Variants in CNTNAP5 observed in about 807,000 individuals in gnomAD.
CNTNAP5 encodes the protein contactin associated protein family member 5, also known as contactin-associated protein-like 5.
Under a neutral mutation model 150.2 loss-of-function variants are expected in CNTNAP5, and 72 were observed. The ratio of observed to expected loss-of-function variants is 0.48; its 90% confidence interval spans 0.40 to 0.58. The LOEUF is 0.58. Among genes scored for constraint, CNTNAP5 ranks in the 20% least tolerant of loss-of-function variants. The pLI is 0.00. For missense variants in CNTNAP5, 1,636 were observed against 1,626.2 expected, an observed-to-expected ratio of 1.01 and a Z score of -0.10; for synonymous variants, 672 against 619.8, an observed-to-expected ratio of 1.08 and a Z score of -1.25.
At chr2:124,338,373 G>A (rs551001076) in intron 3 of CNTNAP5, among the ~76,000 whole-genome samples, 4 of 152,142 alleles carry the variant, frequency 2.6e-5, no homozygotes, top group East Asian at 1.9e-4. Flanking sequence ...TCTCCTGCCT[G>A]ATTGCCCTGG....
intron 1 of CNTNAP5, among the ~76,000 whole-genome samples, chr2:124,091,045 T>G (rs1189332469): frequency 6.6e-6 from 1 of 152,108 alleles, no homozygotes; most frequent in African/African-American, 2.4e-5. Flanking sequence ...TAAAGATGTG[T>G]AGGGTTTGGA....
chr2:124,469,625 C>A (rs1573394867), intron 6 of CNTNAP5, among the ~76,000 whole-genome samples: 1 of 151,560 alleles, frequency 6.6e-6, no homozygotes, highest in Non-Finnish European at 1.5e-5. Flanking sequence ...GCAGGTTTGT[C>A]ACATAGGTAA....
intron 1 of CNTNAP5, among the ~76,000 whole-genome samples, chr2:124,146,771 C>T (rs1684264113): frequency 6.6e-6 from 1 of 152,056 alleles, no homozygotes; most frequent in South Asian, 2.1e-4. Context: ...TTAAAAGTTT[C>T]ACAATAAACA....
intron 1 of CNTNAP5, among the ~76,000 whole-genome samples, chr2:124,121,945 A>C (rs1245290907): frequency 6.6e-6 from 1 of 152,156 alleles, no homozygotes; most frequent in Non-Finnish European, 1.5e-5. Flanking sequence ...TACCACCATT[A>C]ATTAGATTAA....
chr2:124,075,675 C>A (rs374473979), intron 1 of CNTNAP5, among the ~76,000 whole-genome samples: 2 of 152,062 alleles, frequency 1.3e-5, no homozygotes, highest in East Asian at 3.9e-4. Context: ...GATTTACCAC[C>A]GGGAGAGAAG....
Position 124,619,473 on chromosome 2 carries a change from T to C in CNTNAP5, c.1876+9553T>C, listed in dbSNP as rs543957745. On this transcript the variant is annotated intron_variant, in intron 12 of 23. Coordinates refer to ENST00000682447, the MANE Select transcript of CNTNAP5 (RefSeq NM_001367498.1). ...GCTTCTGAGGTGGGGCGATCTGCCC[T>C]TGGGGTGATGGTTAATTTTATGTAT... Among the ~76,000 whole-genome samples the C allele has an allele frequency of 2.0e-4, 31 of 152,258 alleles. No individual in the cohort carries two copies. The South Asian group carries it at 5.6e-3, about 27-fold the overall frequency.
intron 13 of CNTNAP5, among the ~76,000 whole-genome samples, chr2:124,713,295 T>TTCTC: frequency 7.9e-6 from 1 of 126,504 alleles, no homozygotes; most frequent in Admixed American, 8.1e-5. Flanking sequence ...CTTTCTTTCT[T>TTCTC]TCTTTCTTCT....
chr2:124,321,269 C>T (rs1237509150), intron 3 of CNTNAP5, among the ~76,000 whole-genome samples: 2 of 151,806 alleles, frequency 1.3e-5, no homozygotes, highest in East Asian at 1.9e-4. Flanking sequence ...TGGAGAAAGC[C>T]CCCGTCTCTA....
chr2:124,461,602 C>T (rs1052805693), intron 6 of CNTNAP5, among the ~76,000 whole-genome samples: 2 of 151,596 alleles, frequency 1.3e-5, no homozygotes, highest in African/African-American at 4.8e-5. Flanking sequence ...GGGTGCAGCA[C>T]ACCAGCATGG....
intron 13 of CNTNAP5, among the ~76,000 whole-genome samples, chr2:124,697,356 G>A (rs1230558031): frequency 6.6e-6 from 1 of 152,054 alleles, no homozygotes; most frequent in Non-Finnish European, 1.5e-5. Flanking sequence ...ACAGTTACAT[G>A]TCATGCCTCC....
At position 124,683,184 on chromosome 2, in the gene CNTNAP5, G is replaced by A. The variant is rs114743862; in HGVS notation, c.2077+35226G>A. ...TGATGTATGAATCTCAGCTGTTGGG[G>A]GAGCCGTGTGCCCCACTCTCCCATA... On this transcript the variant is annotated intron_variant, in intron 13 of 23. Transcript: ENST00000682447. Among the ~76,000 whole-genome samples, 967 of 152,222 alleles carry A rather than the reference G, an allele frequency of 6.4e-3. 14 individuals are homozygous for A. Among genetic ancestry groups the A allele is most frequent in the African/African-American group, 0.021 (879 of 41,534 alleles).
At chr2:124,840,344 C>T (rs572454746) in intron 19 of CNTNAP5, among the ~76,000 whole-genome samples, 2 of 152,034 alleles carry the variant, frequency 1.3e-5, no homozygotes, top group Non-Finnish European at 1.5e-5. Flanking sequence ...TTACAGAATA[C>T]AAGGGAGATC....
intron 13 of CNTNAP5, among the ~76,000 whole-genome samples, chr2:124,707,745 G>A (rs35126713): frequency 0.16 from 24,750 of 152,058 alleles, 2,282 homozygotes; most frequent in East Asian, 0.24. Context: ...TGTAAAATGG[G>A]CATCTCTTCC....
chr2:124,127,848 G>A (rs965047178), intron 1 of CNTNAP5, among the ~76,000 whole-genome samples: 1 of 152,120 alleles, frequency 6.6e-6, no homozygotes, highest in African/African-American at 2.4e-5. Flanking sequence ...GGGAAAACTG[G>A]CTAGCCATAT....
At chr2:124,832,150 G>A (rs1168891770) in intron 19 of CNTNAP5, among the ~76,000 whole-genome samples, 3 of 152,022 alleles carry the variant, frequency 2.0e-5, no homozygotes, top group African/African-American at 7.2e-5. Flanking sequence ...TGTCTCTTCA[G>A]TAAATCCAGG....
At chr2:124,728,084 T>C (rs1195108616) in intron 13 of CNTNAP5, among the ~76,000 whole-genome samples, 1 of 152,130 alleles carries the variant, frequency 6.6e-6, no homozygotes, top group African/African-American at 2.4e-5. Context: ...ATTCTTATTC[T>C]GCTAATGTGG....
At chr2:124,142,896 A>G (rs1308169735) in intron 1 of CNTNAP5, among the ~76,000 whole-genome samples, 2 of 149,878 alleles carry the variant, frequency 1.3e-5, no homozygotes, top group East Asian at 2.0e-4. Context: ...ACCGCTAGCA[A>G]GACTAATAAA....
chr2:124,911,464 C>T lies in CNTNAP5; in HGVS notation c.3656-3C>T. ...AAAGTCCCATGTCTTTTACTCCTTT[C>T]AGATCCTTTTGGGAAGACAGATGAG... On this transcript the variant is annotated splice_region_variant and splice_polypyrimidine_tract_variant and intron_variant, in intron 22 of 23. Coordinates refer to ENST00000682447, the MANE Select transcript of CNTNAP5 (RefSeq NM_001367498.1). 1 of 1,591,388 alleles carries T rather than the reference C, an allele frequency of 6.3e-7. No individual in the cohort carries two copies. Among genetic ancestry groups the T allele is most frequent in the Non-Finnish European group, 8.6e-7 (1 of 1,167,526 alleles).
intron 1 of CNTNAP5, among the ~76,000 whole-genome samples, chr2:124,074,279 G>C (rs1025194946): frequency 2.0e-5 from 3 of 152,082 alleles, no homozygotes; most frequent in Non-Finnish European, 4.4e-5. Flanking sequence ...GTATTTGGCA[G>C]TATAACAGGG....
Sources: gnomAD v4.1 joint callset for allele counts (sites outside exome capture counted in the v4.1 genomes callset) on GRCh38, gnomAD v4.1.1 for gene constraint, MANE v1.5 for transcripts, NCBI Gene and HGNC (gene_info 2026-07-23, HGNC 2026-07-21) for gene names.